Variants in GRK6 observed in about 807,000 individuals in gnomAD.
GRK6 encodes the protein G protein-coupled receptor kinase 6.
GRK6 carries 37 observed loss-of-function variants against 80.8 expected under a neutral mutation model. The observed-to-expected ratio is 0.46, with a 90% CI of 0.35 to 0.60. GRK6 has a LOEUF of 0.60. GRK6 is among the 20% of genes least tolerant of loss of function. The pLI is 0.00. For synonymous variants in GRK6, 295 were observed against 320.9 expected, an observed-to-expected ratio of 0.92 and a Z score of 0.86; for missense variants, 560 against 784.6, an observed-to-expected ratio of 0.71 and a Z score of 3.42.
Position 177,433,451 on chromosome 5 carries a change from T to C in GRK6, c.597+41T>C, listed in dbSNP as rs1764001367. 6 of 1,610,452 alleles carry C rather than the reference T, an allele frequency of 3.7e-6. No individual in the cohort carries two copies. In the Admixed American group the frequency reaches 6.7e-5, roughly 18 times the overall value. Reference sequence around the variant, plus strand: ...AGAGCCCCTGGGAGAGTGAATAGGGTGGGTGTGTTGGGACCTGGACCACCC... The same window carrying C: ...AGAGCCCCTGGGAGAGTGAATAGGGCGGGTGTGTTGGGACCTGGACCACCC... On this transcript the variant is annotated intron_variant, in intron 7 of 15. Coordinates refer to ENST00000355472, the MANE Select transcript of GRK6 (RefSeq NM_001004106.3).
chr5:177,433,262 C>T (rs746282683), intron 6 of GRK6, 23 bp downstream of exon 6: 7 of 1,613,468 alleles, frequency 4.3e-6, no homozygotes, highest in Admixed American at 3.3e-5. Context: ...AAGGCTGGGC[C>T]GGGACAGGCC....
rs1764540637 is a variant in GRK6, at chr5:177,442,128, A to C, written c.*338A>C. ...CCCGCCTTGGCTCCTGGGGGCAGCC[A>C]GCCCTGGCTGGGAGAGCGGGAGCTG... is the stretch of plus-strand genomic sequence containing the variant. On this transcript the variant is annotated 3_prime_UTR_variant, in exon 16 of 16. Coordinates refer to ENST00000355472, the MANE Select transcript of GRK6 (RefSeq NM_001004106.3). 1 of 341,420 alleles carries C rather than the reference A, an allele frequency of 2.9e-6. No homozygotes were observed. Among genetic ancestry groups the C allele is most frequent in the Non-Finnish European group, 5.4e-6 (1 of 186,234 alleles). 21.1% of individuals were successfully genotyped at this position (341,420 alleles called of 1,614,324 possible).
Position 177,430,941 on chromosome 5 carries a change from A to G in GRK6, c.122A>G (p.Gln41Arg), listed in dbSNP as rs764426194. ...RQMLQFPHIS[Q>R]CEELRLSLER... ...ATGCTCCAGTTCCCTCACATCAGCCAGTGCGAAGAGCTGCGGCTCAGCCTC... is the reference window on the plus strand; with the variant it reads ...ATGCTCCAGTTCCCTCACATCAGCCGGTGCGAAGAGCTGCGGCTCAGCCTC... Residue 41 changes from glutamine to arginine, a missense_variant, in exon 2 of 16, where the codon CAG becomes CGG. Transcript: ENST00000355472. 7 of 1,613,772 alleles carry G rather than the reference A, an allele frequency of 4.3e-6. No homozygotes were observed. Among genetic ancestry groups the G allele is most frequent in the Admixed American group, 1.7e-5 (1 of 59,986 alleles).
In GRK6 at chr5:177,433,692, G is replaced by A; in HGVS notation, c.738+16G>A. ...TAGGTTTGTAGTAAGTACAGAAGGA[G>A]ACTCTCCCTTCCCCTTGGCCACACT... On this transcript the variant is annotated intron_variant, in intron 8 of 15. Coordinates refer to ENST00000355472, the MANE Select transcript of GRK6 (RefSeq NM_001004106.3). 6.2e-7 allele frequency: 1 copy of A among 1,613,502 alleles called. No homozygotes were observed. The highest frequency in any genetic ancestry group is 8.5e-7 in the Non-Finnish European group (1 of 1,179,620).
Position 177,433,193 on chromosome 5 carries a change from G to C in GRK6, c.487G>C (p.Asp163His), listed in dbSNP as rs144732874. The C allele has an allele frequency of 9.9e-6, 16 of 1,614,140 alleles. No individual in the cohort carries two copies. The East Asian group carries it at 3.1e-4, about 31-fold the overall frequency. The change falls in exon 6 of 16, where the codon GAC (aspartate) becomes CAC (histidine). Residue 163 changes from aspartate to histidine, a missense_variant. Coordinates refer to ENST00000355472, the MANE Select transcript of GRK6 (RefSeq NM_001004106.3). ...CGTGGCCCCTTTTGCCGACTACCTC[G>C]ACAGCATCTACTTCAACCGTTTCCT... ...LSVAPFADYL[D>H]SIYFNRFLQW...
chr5:177,426,497 A>C (rs900437955), upstream of GRK6: 1 of 151,434 alleles, frequency 6.6e-6, no homozygotes, highest in African/African-American at 2.4e-5. Flanking sequence ...AGGTGACGTG[A>C]TTGGTCCCGC....
At chr5:177,441,332 G>T in intron 15 of GRK6, 1 of 1,532,794 alleles carries the variant, frequency 6.5e-7, no homozygotes. Context: ...AAGGCAAGAT[G>T]TGGGAGAAAG....
At chr5:177,439,549 A>G (rs1205342891) in intron 13 of GRK6, among the ~76,000 whole-genome samples, 6 of 152,044 alleles carry the variant, frequency 3.9e-5, no homozygotes, top group Non-Finnish European at 8.8e-5. Context: ...CTCAAAAAAA[A>G]AAAAAAAAAG....
intron 13 of GRK6, among the ~76,000 whole-genome samples, chr5:177,440,391 T>C (rs1449378763): frequency 6.6e-6 from 1 of 152,138 alleles, no homozygotes. Context: ...CAGCCTGTAC[T>C]CCCCGCCCCA....
At chr5:177,426,972 AC>A in intron 1 of GRK6, 75 bp downstream of exon 1, 2 of 1,037,750 alleles carry the variant, frequency 1.9e-6, no homozygotes, top group Non-Finnish European at 2.5e-6. Context: ...CCGCAGGGCT[AC>A]CCAGCCGTCG....
intron 11 of GRK6, 116 bp downstream of exon 11, chr5:177,435,237 C>G: frequency 1.4e-6 from 1 of 715,686 alleles, no homozygotes; most frequent in Non-Finnish European, 2.3e-6. Context: ...GTAGAAAGGG[C>G]CCATGCCGAT....
chr5:177,431,650 C>T (rs1306517850), intron 2 of GRK6: 3 of 301,700 alleles, frequency 9.9e-6, no homozygotes, highest in East Asian at 1.9e-4. Context: ...CTGGCCCCGG[C>T]TGGGCTGGGC....
At chr5:177,425,810 G>A (rs1469228895), upstream of GRK6, among the ~76,000 whole-genome samples, 3 of 152,276 alleles carry the variant, frequency 2.0e-5, no homozygotes, top group Non-Finnish European at 4.4e-5. Flanking sequence ...GGGGTGTTAA[G>A]CTACAAGGTG....
In GRK6 at chr5:177,430,955, C is replaced by A; in HGVS notation, c.136C>A (p.Arg46=). The part of the protein sequence containing the change: ...FPHISQCEEL[R]LSLERDYHSL... ...TCACATCAGCCAGTGCGAAGAGCTGCGGCTCAGCCTCGGTGAGGCCTGGGC... is the reference window on the plus strand; with the variant it reads ...TCACATCAGCCAGTGCGAAGAGCTGAGGCTCAGCCTCGGTGAGGCCTGGGC... The change falls in exon 2 of 16, where the codon CGG becomes AGG. Residue 46 remains arginine, a synonymous_variant. Transcript: ENST00000355472. The A allele has an allele frequency of 6.2e-7, 1 of 1,613,414 alleles. No individual in the cohort carries two copies. The highest frequency in any genetic ancestry group is 8.5e-7 in the Non-Finnish European group (1 of 1,179,730).
chr5:177,441,760 C>T lies in GRK6; in HGVS notation c.1701C>T (p.Asp567=). The change falls in exon 16 of 16, where the codon GAC becomes GAT. Residue 567 remains aspartate, a synonymous_variant. Coordinates refer to ENST00000355472, the MANE Select transcript of GRK6 (RefSeq NM_001004106.3). ...AGGATTGCTGTGGAAACTGCAGCGA[C>T]AGCGAGGAAGAGCTCCCCACCCGCC... ...SRQDCCGNCS[D]SEEELPTRL 1.2e-6 allele frequency: 2 copies of T among 1,612,836 alleles called. No individual in the cohort carries two copies. The highest frequency in any genetic ancestry group is 1.7e-6 in the Non-Finnish European group (2 of 1,179,518).
rs1175615102 is a variant in GRK6, at chr5:177,426,747, C to G, written c.-99C>G. ...GCGGCGCGGTCACTGCGAGCCGAGCCGAGCCGCGCCGAGCCGCGCCGATCG... is the reference window on the plus strand; with the variant it reads ...GCGGCGCGGTCACTGCGAGCCGAGCGGAGCCGCGCCGAGCCGCGCCGATCG... On this transcript the variant is annotated 5_prime_UTR_variant, in exon 1 of 16. Transcript: ENST00000355472. 32 of 611,762 alleles carry G rather than the reference C, an allele frequency of 5.2e-5. No homozygotes were observed. The highest frequency in any genetic ancestry group is 6.3e-5 in the Non-Finnish European group (31 of 490,552). The allele number at this position is 611,762 out of a possible 1,614,324, so 37.9% of individuals were successfully genotyped here.
At chr5:177,435,335 T>A (rs1165633500) in intron 11 of GRK6, among the ~76,000 whole-genome samples, 2 of 152,240 alleles carry the variant, frequency 1.3e-5, no homozygotes, top group Non-Finnish European at 2.9e-5. Flanking sequence ...GAATACTTAT[T>A]AAACCCTGCT....
upstream of GRK6, among the ~76,000 whole-genome samples, chr5:177,425,904 C>A (rs530820896): frequency 6.6e-5 from 10 of 152,360 alleles, no homozygotes; most frequent in South Asian, 4.1e-4. Context: ...GCCTCAGCTC[C>A]CCACCTGTAT....
intron 9 of GRK6, 127 bp from the exon 10 acceptor site, chr5:177,434,775 G>C (rs1406301692): frequency 2.0e-6 from 2 of 999,474 alleles, no homozygotes; most frequent in East Asian, 4.8e-5. Context: ...CTGTCGCCCT[G>C]GCAGCAAATG....
Sources: allele counts gnomAD v4.1 joint callset (sites outside exome capture counted in the v4.1 genomes callset), GRCh38; gene constraint gnomAD v4.1.1; transcripts MANE v1.5; gene names NCBI Gene and HGNC (gene_info 2026-07-23, HGNC 2026-07-21).